The following AP3B1 variants were observed in gnomAD, a reference collection of about 807,000 sequenced individuals.
AP3B1 encodes the protein AP-3 complex subunit beta-1.
In AP3B1, 61 loss-of-function variants were observed where a neutral mutation model predicts 132.5. The ratio of observed to expected loss-of-function variants is 0.46; its 90% confidence interval spans 0.37 to 0.57. The LOEUF (loss-of-function observed/expected upper bound fraction) is 0.57. AP3B1 is among the 20% of genes least tolerant of loss of function. AP3B1 has a pLI of 0.00. For synonymous variants in AP3B1, 388 were observed against 438.3 expected (o/e 0.89, Z 1.43); for missense variants, 1,120 against 1,289.4 (o/e 0.87, Z 2.01).
At chr5:78,020,923 T>G (rs989506778) in intron 24 of AP3B1, 134 bp from the exon 25 acceptor site, 15 of 674,750 alleles carry the variant, frequency 2.2e-5, no homozygotes, top group Non-Finnish European at 7.7e-6. Context: ...ACATCACAGC[T>G]AAAAAGGTTT....
chr5:78,148,604 G>C (rs966946043), intron 14 of AP3B1, among the ~76,000 whole-genome samples: 1 of 152,062 alleles, frequency 6.6e-6, no homozygotes, highest in African/African-American at 2.4e-5. Flanking sequence ...TAGGTTAATA[G>C]AATTTTCCTT....
At chr5:78,042,945 T>C in intron 22 of AP3B1, 1 of 189,698 alleles carries the variant, frequency 5.3e-6, no homozygotes, top group Non-Finnish European at 1.2e-5. Flanking sequence ...GAATTCTCTA[T>C]ACTCCTCCTG....
chr5:78,114,046 C>T, intron 18 of AP3B1, 123 bp from the exon 19 acceptor site: 16 of 1,076,088 alleles, frequency 1.5e-5, no homozygotes, highest in Non-Finnish European at 2.2e-5. Flanking sequence ...GTGGACACCA[C>T]TTGTTTAACA....
intron 26 of AP3B1, among the ~76,000 whole-genome samples, chr5:78,003,699 T>C (rs1373848294): frequency 6.6e-6 from 1 of 152,216 alleles, no homozygotes; most frequent in Non-Finnish European, 1.5e-5. Flanking sequence ...TAGATCTTTC[T>C]TTCTGTAGAG....
intron 7 of AP3B1, among the ~76,000 whole-genome samples, chr5:78,186,575 T>C (rs868620649): frequency 7.2e-5 from 11 of 152,198 alleles, no homozygotes; most frequent in Non-Finnish European, 1.5e-4. Context: ...TGCAAGACAT[T>C]ACCATTGGGG....
chr5:78,291,410 C>T (rs1445420104), intron 1 of AP3B1, among the ~76,000 whole-genome samples: 3 of 91,564 alleles, frequency 3.3e-5, no homozygotes, highest in Non-Finnish European at 4.4e-5. Context: ...TGTCTCCCCA[C>T]AGATAATTTG....
chr5:78,202,552 AGTGTGT>A (rs36209977), intron 7 of AP3B1, among the ~76,000 whole-genome samples: 282 of 146,134 alleles, frequency 1.9e-3, no homozygotes, highest in South Asian at 9.2e-3. Flanking sequence ...CCATATATTC[AGTGTGT>A]GTGTGTGTGT....
intron 1 of AP3B1, among the ~76,000 whole-genome samples, chr5:78,291,500 G>A (rs906410153): frequency 6.2e-5 from 9 of 144,098 alleles, no homozygotes; most frequent in African/African-American, 2.3e-4. Context: ...ACATCATGAA[G>A]ATGGACAACC....
chr5:78,259,141 G>C (rs1454945732), intron 2 of AP3B1, among the ~76,000 whole-genome samples: 1 of 152,016 alleles, frequency 6.6e-6, no homozygotes, highest in Non-Finnish European at 1.5e-5. Context: ...CCAGCTACTT[G>C]GGAGGCTGAG....
chr5:78,255,046 A>T (rs1319938093), intron 2 of AP3B1, among the ~76,000 whole-genome samples: 2 of 152,170 alleles, frequency 1.3e-5, no homozygotes, highest in African/African-American at 4.8e-5. Flanking sequence ...AATGGATTAT[A>T]AGATAGTATT....
intron 7 of AP3B1, among the ~76,000 whole-genome samples, chr5:78,181,953 C>T (rs1480524265): frequency 1.3e-5 from 2 of 152,076 alleles, no homozygotes; most frequent in Non-Finnish European, 2.9e-5. Flanking sequence ...TCAAAAGGAA[C>T]ACATGACCGT....
intron 24 of AP3B1, among the ~76,000 whole-genome samples, chr5:78,030,715 C>T (rs1056695249): frequency 1.3e-5 from 2 of 152,118 alleles, no homozygotes; most frequent in African/African-American, 2.4e-5. Flanking sequence ...TACACTCTGT[C>T]GCCTAGGCTG....
At chr5:78,047,271 T>C (rs1328726053) in intron 22 of AP3B1, among the ~76,000 whole-genome samples, 1 of 152,176 alleles carries the variant, frequency 6.6e-6, no homozygotes, top group African/African-American at 2.4e-5. Context: ...CTTGAGGAAT[T>C]GCCGCACTGT....
At chr5:78,075,518 G>T (rs575999082) in intron 22 of AP3B1, among the ~76,000 whole-genome samples, 1 of 152,204 alleles carries the variant, frequency 6.6e-6, no homozygotes, top group Non-Finnish European at 1.5e-5. Flanking sequence ...CGGAAGAGTT[G>T]TAACTCCACT....
intron 7 of AP3B1, among the ~76,000 whole-genome samples, chr5:78,207,150 T>C (rs763807222): frequency 6.7e-6 from 1 of 150,034 alleles, no homozygotes; most frequent in Non-Finnish European, 1.5e-5. Context: ...CCCAGCTACT[T>C]GGGAGGCTGA....
At chr5:78,074,674 C>T (rs1561388847) in intron 22 of AP3B1, among the ~76,000 whole-genome samples, 1 of 152,150 alleles carries the variant, frequency 6.6e-6, no homozygotes, top group African/African-American at 2.4e-5. Flanking sequence ...CTTCACCGGG[C>T]ACGGTGGCTC....
At chr5:78,204,205 T>G (rs983181390) in intron 7 of AP3B1, among the ~76,000 whole-genome samples, 3 of 152,222 alleles carry the variant, frequency 2.0e-5, no homozygotes, top group Admixed American at 6.5e-5. Flanking sequence ...CTAACTCAGA[T>G]TCTAACTCCT....
intron 1 of AP3B1, among the ~76,000 whole-genome samples, chr5:78,290,955 T>A (rs1410412832): frequency 6.6e-6 from 1 of 151,874 alleles, no homozygotes; most frequent in African/African-American, 2.4e-5. Flanking sequence ...TCTCAAAAAA[T>A]AAAAAATAAG....
At chr5:78,061,763 C>T (rs1020592219) in intron 22 of AP3B1, among the ~76,000 whole-genome samples, 3 of 152,242 alleles carry the variant, frequency 2.0e-5, no homozygotes, top group African/African-American at 4.8e-5. Flanking sequence ...ACACTGACAT[C>T]CTCTGTACCC....
Sources: allele counts gnomAD v4.1 joint callset (sites outside exome capture counted in the v4.1 genomes callset), GRCh38; gene constraint gnomAD v4.1.1; transcripts MANE v1.5; gene names NCBI Gene and HGNC (gene_info 2026-07-23, HGNC 2026-07-21).